Variants in SPEG observed in about 807,000 individuals in gnomAD.
SPEG encodes the protein striated muscle preferentially expressed protein kinase.
Under a neutral mutation model 300.4 loss-of-function variants are expected in SPEG, and 114 were observed. That is an observed-to-expected ratio of 0.38 (90% CI 0.33 to 0.44). The LOEUF is 0.44. Ranked by LOEUF, SPEG falls within the 20% of genes least tolerant of loss-of-function variation. The pLI is 1.00. For synonymous variants in SPEG, 1,964 were observed against 2,018.9 expected, an observed-to-expected ratio of 0.97 and a Z score of 0.73; for missense variants, 4,201 against 4,586.2, an observed-to-expected ratio of 0.92 and a Z score of 2.43.
At chr2:219,454,476 T>G (rs1378520452) in intron 6 of SPEG, among the ~76,000 whole-genome samples, 1 of 152,190 alleles carries the variant, frequency 6.6e-6, no homozygotes. Flanking sequence ...GCCAACCAGG[T>G]GCCAAGTGCT....
Position 219,448,646 on chromosome 2 carries a change from G to C in SPEG, c.1488G>C (p.Gln496His), listed in dbSNP as rs1458544038. Residue 496 changes from glutamine to histidine, a missense_variant, in exon 4 of 41, where the codon CAG becomes CAC. By Grantham distance (24) the Gln-to-His change is conservative. Coordinates refer to ENST00000312358, the MANE Select transcript of SPEG (RefSeq NM_005876.5). ...CAGACCTCGAGCTGCGCTTCGCCCAGGAGCTGGGCCGCATCCGCCGCTCCA... is the reference window on the plus strand; with the variant it reads ...CAGACCTCGAGCTGCGCTTCGCCCACGAGCTGGGCCGCATCCGCCGCTCCA... ...PASDLELRFA[Q>H]ELGRIRRSTS... is the part of the protein sequence containing the mutation. 5.4e-6 allele frequency: 8 copies of C among 1,488,888 alleles called. No homozygotes were observed. Among genetic ancestry groups the C allele is most frequent in the African/African-American group, 1.5e-5 (1 of 68,364 alleles). 92.2% of individuals were successfully genotyped at this position (1,488,888 alleles called of 1,614,324 possible).
chr2:219,490,322 G>T, intron 36 of SPEG, 87 bp from the exon 37 acceptor site: 1 of 1,517,818 alleles, frequency 6.6e-7, no homozygotes, highest in Admixed American at 1.8e-5. Context: ...GCCCCTAGGG[G>T]TCCCTGCTCT....
Position 219,490,504 on chromosome 2 carries a change from G to A in SPEG, c.9017G>A (p.Arg3006Gln), listed in dbSNP as rs745668783. The A allele has an allele frequency of 1.9e-6, 3 of 1,612,400 alleles. No homozygotes were observed. Among genetic ancestry groups the A allele is most frequent in the East Asian group, 2.2e-5 (1 of 44,880 alleles). The change falls in exon 37 of 41, where the codon CGG (arginine) becomes CAG (glutamine). Residue 3006 changes from arginine to glutamine, a missense_variant. Physicochemically the swap from Arg to Gln is conservative, Grantham distance 43. Around this residue, in one of 4 missense-constraint regions of SPEG, gnomAD observed 318 missense variants for 429.5 expected, o/e 0.74. Transcript: ENST00000312358. ...CCCTATGCTGCCGAGGGCAAGCGGC[G>A]GGTCCTGCAGGAGTACGAGGTGCTG... ...IVPYAAEGKR[R>Q]VLQEYEVLRT... is the part of the protein sequence containing the mutation.
At position 219,489,795 on chromosome 2, in the gene SPEG, A is replaced by C; in HGVS notation, c.8777A>C (p.Lys2926Thr). 6.2e-7 allele frequency: 1 copy of C among 1,613,656 alleles called. No homozygotes were observed. The highest frequency in any genetic ancestry group is 8.5e-7 in the Non-Finnish European group (1 of 1,179,950). ...CCTGAGCCCCCTCCTGAGCCTACCA[A>C]GGTGACTGTGCAGAGCCTCAGCCCG... The part of the protein sequence containing the change: ...PAPEPPPEPT[K>T]VTVQSLSPAK... Residue 2926 changes from lysine (K) to threonine (T), a missense_variant, in exon 36 of 41, where the codon AAG becomes ACG. By Grantham distance (78) the Lys-to-Thr change is moderately conservative. Transcript: ENST00000312358.
chr2:219,465,826 C>CGT, intron 9 of SPEG: 1 of 603,484 alleles, frequency 1.7e-6, no homozygotes, highest in Non-Finnish European at 3.0e-6. Context: ...TGTGCGTGCG[C>CGT]ATGCGTGCGT....
At position 219,470,046 on chromosome 2, in the gene SPEG, C is replaced by T. The variant is rs182903649; in HGVS notation, c.3715+667C>T. ...CTGAGTCTTGTGTGAGAAGGTCTGC[C>T]CCCCTCCCATAAGACAGTGCCCACT... On this transcript the variant is annotated intron_variant, in intron 13 of 40. Coordinates refer to ENST00000312358, the MANE Select transcript of SPEG (RefSeq NM_005876.5). Among the ~76,000 whole-genome samples the T allele has an allele frequency of 1.2e-3, 181 of 152,160 alleles. 1 individual carries two copies. The highest frequency in any genetic ancestry group is 2.1e-3 in the Non-Finnish European group (143 of 68,008).
chr2:219,461,896 C>T lies in SPEG; in HGVS notation c.2455C>T (p.Pro819Ser). 1.2e-6 allele frequency: 2 copies of T among 1,613,954 alleles called. No homozygotes were observed. The highest frequency in any genetic ancestry group is 1.1e-5 in the South Asian group (1 of 91,076). The change falls in exon 7 of 41, where the codon CCT (proline) becomes TCT (serine). Residue 819 changes from proline to serine, a missense_variant. Transcript: ENST00000312358. ...TCTCTCTCCAGGTGGGTCTACATCCCCTTTCAGCAGCCCCATCACCTCCGA... is the reference window on the plus strand; with the variant it reads ...TCTCTCTCCAGGTGGGTCTACATCCTCTTTCAGCAGCCCCATCACCTCCGA... The part of the protein sequence containing the change: ...LTVRPGGSTS[P>S]FSSPITSDEE...
In SPEG at chr2:219,449,246, G is replaced by C. The variant is rs1575060002; in HGVS notation, c.2088G>C (p.Arg696=). 3.6e-6 allele frequency: 5 copies of C among 1,391,760 alleles called. No homozygotes were observed. Among genetic ancestry groups the C allele is most frequent in the Middle Eastern group, 2.6e-4 (1 of 3,798 alleles). The allele number at this position is 1,391,760 out of a possible 1,614,324, so 86.2% of individuals were successfully genotyped here. A position where few individuals can be genotyped will look rare whatever the true frequency, so the allele number is the denominator to read the frequency against. Residue 696 remains arginine (R), a synonymous_variant, in exon 4 of 41, where the codon CGG becomes CGC. Transcript: ENST00000312358. ...CCCGCAGCCAGGGCAAAGGTCGCCG[G>C]GCCCGGCCCACCTCCCCTGAGCTCG... ...RGARSQGKGR[R]ARPTSPELES... is the part of the protein sequence containing the mutation.
chr2:219,479,115 G>A lies in SPEG; in HGVS notation c.5028-29G>A, dbSNP rs201069455. The A allele has an allele frequency of 7.5e-6, 12 of 1,610,064 alleles. No homozygotes were observed. In the East Asian group the frequency reaches 2.7e-4, roughly 36 times the overall value. On this transcript the variant is annotated intron_variant, in intron 22 of 40. Transcript: ENST00000312358. This position sits in a 1 kb window ranked among gnomAD's most constrained non-coding sequence, Gnocchi z 5.5. ...GGGCTGGGCCGGGCAGTTGGCACTGGGCACTGTTCTCCTTGATCTGGGATG... is the reference window on the plus strand; with the variant it reads ...GGGCTGGGCCGGGCAGTTGGCACTGAGCACTGTTCTCCTTGATCTGGGATG...
chr2:219,441,443 A>AC, intron 1 of SPEG: 1 of 462,354 alleles, frequency 2.2e-6, no homozygotes, highest in South Asian at 1.6e-5. Context: ...ACCCGCCAGG[A>AC]CCCTTGCCCT....
At position 219,484,206 on chromosome 2, in the gene SPEG, T is replaced by C. The variant is rs1172950662; in HGVS notation, c.6743T>C (p.Ile2248Thr). The change falls in exon 30 of 41, where the codon ATC becomes ACC. Residue 2248 changes from isoleucine to threonine, a missense_variant. Transcript: ENST00000312358. Reference sequence around the variant, plus strand: ...CTGCCCCTCACACCCTATGCTCAGATCATTCAGTCCCTCCAGCTGTCAGGC... The same window carrying C: ...CTGCCCCTCACACCCTATGCTCAGACCATTCAGTCCCTCCAGCTGTCAGGC... ...LALPLTPYAQ[I>T]IQSLQLSGHA... 1 of 1,611,288 alleles carries C rather than the reference T, an allele frequency of 6.2e-7. No homozygotes were observed. The highest frequency in any genetic ancestry group is 1.7e-5 in the Admixed American group (1 of 59,930).
intron 32 of SPEG, 80 bp from the exon 33 acceptor site, chr2:219,488,418 G>A: frequency 2.0e-6 from 3 of 1,505,472 alleles, no homozygotes; most frequent in Non-Finnish European, 2.7e-6. Context: ...TAGGGGGGAT[G>A]CTGGAGTGGG....
rs77858465 is a variant in SPEG, at chr2:219,477,213, A to AGGGCGG, written c.4561-62_4561-61insGCGGGG. 26 of 1,429,042 alleles carry AGGGCGG rather than the reference A, an allele frequency of 1.8e-5. No individual in the cohort carries two copies. The highest frequency in any genetic ancestry group is 2.1e-5 in the Admixed American group (1 of 46,808). The allele number at this position is 1,429,042 out of a possible 1,614,324, so 88.5% of individuals were successfully genotyped here. A position where few individuals can be genotyped will look rare whatever the true frequency, so the allele number is the denominator to read the frequency against. On this transcript the variant is annotated intron_variant, in intron 19 of 40. Transcript: ENST00000312358. This position sits in a 1 kb window ranked among gnomAD's most constrained non-coding sequence, Gnocchi z 6.4. ...GATGCGCTGCCCAGAGTAGGAGATG[A>AGGGCGG]GGCCCTGGCCCCAAGGTAGAGATGA...
Position 219,472,388 on chromosome 2 carries a change from C to T in SPEG, c.3940+57C>T. On this transcript the variant is annotated intron_variant, in intron 15 of 40. Transcript: ENST00000312358. ...GGAAGGGGTGTGGAGAAGGCAGGCTCAGGCAGGACACCATGGGGGCCAGGC... is the reference window on the plus strand; with the variant it reads ...GGAAGGGGTGTGGAGAAGGCAGGCTTAGGCAGGACACCATGGGGGCCAGGC... 3.4e-6 allele frequency: 5 copies of T among 1,464,420 alleles called. No homozygotes were observed. The South Asian group carries it at 5.7e-5, about 17-fold the overall frequency. The allele number at this position is 1,464,420 out of a possible 1,614,324, so 90.7% of individuals were successfully genotyped here.
chr2:219,492,974 C>T lies in SPEG; in HGVS notation c.*188C>T, dbSNP rs553375682. 2.8e-5 allele frequency: 21 copies of T among 740,420 alleles called. No individual in the cohort carries two copies. The highest frequency in any genetic ancestry group is 2.4e-4 in the African/African-American group (14 of 58,014). The allele number at this position is 740,420 out of a possible 1,614,324, so 45.9% of individuals were successfully genotyped here. A position where few individuals can be genotyped will look rare whatever the true frequency, so the allele number is the denominator to read the frequency against. ...CCCAGGGCCTGGACCTGATGCCACC[C>T]CAGGCCAAAGCCAGAGTGGGAGACC... On this transcript the variant is annotated 3_prime_UTR_variant, in exon 41 of 41. Transcript: ENST00000312358.
intron 8 of SPEG, among the ~76,000 whole-genome samples, chr2:219,463,234 TTGTTTC>T (rs1170413348): frequency 6.6e-6 from 1 of 151,560 alleles, no homozygotes; most frequent in Non-Finnish European, 1.5e-5. Context: ...ATGCAACAAT[TTGTTTC>T]TGAGCTGCCA....
chr2:219,485,601 C>A, intron 31 of SPEG, 124 bp downstream of exon 31: 1 of 949,132 alleles, frequency 1.1e-6, no homozygotes, highest in Non-Finnish European at 1.5e-6. Flanking sequence ...GGGGTCTGCT[C>A]AGACAACTAT....
chr2:219,477,927 C>T lies in SPEG; in HGVS notation c.4849C>T (p.Arg1617Cys), dbSNP rs201670112. 28 of 1,614,120 alleles carry T rather than the reference C, an allele frequency of 1.7e-5. No homozygotes were observed. Among genetic ancestry groups the T allele is most frequent in the Admixed American group, 1.0e-4 (6 of 60,030 alleles). Residue 1617 changes from arginine to cysteine, a missense_variant, in exon 22 of 41, where the codon CGC becomes TGC. Arg to Cys is a radical substitution (Grantham distance 180). Around this residue, in one of 4 missense-constraint regions of SPEG, gnomAD observed 1,047 missense variants for 1,356.8 expected, o/e 0.77. Coordinates refer to ENST00000312358, the MANE Select transcript of SPEG (RefSeq NM_005876.5). The surrounding 1 kb of genome is among the most constrained non-coding windows in gnomAD (Gnocchi z 6.4). ...CAGGGGTGCTTTCTCCTACTTGCGG[C>T]GCATAGTGGAGCGTAGCTCCGGCCT... is the stretch of plus-strand genomic sequence containing the variant. The part of the protein sequence containing the change: ...IGRGAFSYLR[R>C]IVERSSGLEF...
intron 4 of SPEG, 101 bp downstream of exon 4, chr2:219,449,372 G>A (rs1336676821): frequency 7.4e-6 from 7 of 944,278 alleles, no homozygotes; most frequent in African/African-American, 1.7e-5. Context: ...CGGGGGTTTC[G>A]CCTGGGGCTG....
Sources: gnomAD v4.1 joint callset for allele counts (sites outside exome capture counted in the v4.1 genomes callset) on GRCh38, gnomAD v4.1.1 for gene constraint, gnomAD v4.1.1 regional missense constraint, Gnocchi (gnomAD v3.1) non-coding constraint, MANE v1.5 for transcripts, NCBI Gene and HGNC (gene_info 2026-07-23, HGNC 2026-07-21) for gene names.